TRHDE: variants seen among roughly 807,000 people sequenced by gnomAD.
TRHDE encodes thyrotropin releasing hormone degrading enzyme, also known as thyrotropin-releasing hormone-degrading ectoenzyme.
Under a neutral mutation model 125.7 loss-of-function variants are expected in TRHDE, and 72 were observed. The observed-to-expected ratio is 0.57, with a 90% confidence interval of 0.47 to 0.70. TRHDE has a LOEUF of 0.70. Among genes scored for constraint, TRHDE ranks in the 30% least tolerant of loss-of-function variants. The pLI, the probability that TRHDE is intolerant of heterozygous loss-of-function variation, is 0.00. For synonymous variants in TRHDE, 509 were observed against 509.1 expected, an observed-to-expected ratio of 1.00 and a Z score of 0.00; for missense variants, 1,110 against 1,327.1, an observed-to-expected ratio of 0.84 and a Z score of 2.54.
At chr12:72,630,453 T>C (rs458004) in intron 15 of TRHDE, among the ~76,000 whole-genome samples, 1 of 151,684 alleles carries the variant, frequency 6.6e-6, no homozygotes, top group Admixed American at 6.6e-5. Flanking sequence ...CCCACCATGG[T>C]TTTGAACTTC....
At chr12:72,307,168 G>C (rs566740108) in intron 2 of TRHDE, among the ~76,000 whole-genome samples, 26 of 151,940 alleles carry the variant, frequency 1.7e-4, no homozygotes, top group African/African-American at 5.8e-4. Context: ...TTTTTTTTTA[G>C]ATGAGTTTTC....
chr12:72,552,596 G>A (rs906741308), intron 7 of TRHDE, among the ~76,000 whole-genome samples: 2 of 152,070 alleles, frequency 1.3e-5, no homozygotes, highest in African/African-American at 4.8e-5. Context: ...CTTGTTTCAA[G>A]AACAAGAAAG....
chr12:72,139,912 A>G (rs1340390637), intron 2 of TRHDE, among the ~76,000 whole-genome samples: 2 of 152,238 alleles, frequency 1.3e-5, no homozygotes, highest in Non-Finnish European at 2.9e-5. Flanking sequence ...ACAGCTGACC[A>G]GCGTTAACAT....
chr12:72,475,406 T>C (rs574191710), intron 5 of TRHDE, among the ~76,000 whole-genome samples: 4 of 152,314 alleles, frequency 2.6e-5, no homozygotes, highest in South Asian at 4.1e-4. Context: ...TAAAATTCTT[T>C]CTATTCACCA....
chr12:72,644,311 G>C (rs940888367), intron 15 of TRHDE, among the ~76,000 whole-genome samples: 2 of 152,074 alleles, frequency 1.3e-5, no homozygotes, highest in African/African-American at 2.4e-5. Context: ...TTCATGCATC[G>C]AGTATCTTAC....
intron 2 of TRHDE, among the ~76,000 whole-genome samples, chr12:72,247,185 A>C (rs1878590670): frequency 6.6e-6 from 1 of 152,190 alleles, no homozygotes; most frequent in Non-Finnish European, 1.5e-5. Flanking sequence ...TACAATACCT[A>C]ATACAATGTA....
chr12:72,142,149 A>G (rs1876125801), intron 2 of TRHDE, among the ~76,000 whole-genome samples: 1 of 152,132 alleles, frequency 6.6e-6, no homozygotes, highest in South Asian at 2.1e-4. Context: ...TCAATTCTGA[A>G]GGGTAAAAAG....
At chr12:72,387,350 T>C (rs1050223714) in intron 3 of TRHDE, among the ~76,000 whole-genome samples, 1 of 152,192 alleles carries the variant, frequency 6.6e-6, no homozygotes, top group Non-Finnish European at 1.5e-5. Context: ...CCATTGCTAG[T>C]ACTCTCATTC....
chr12:72,212,075 T>C (rs1057287404), intron 2 of TRHDE, among the ~76,000 whole-genome samples: 1 of 152,142 alleles, frequency 6.6e-6, no homozygotes, highest in African/African-American at 2.4e-5. Flanking sequence ...TTTGGAAGCA[T>C]AAACCAGCAG....
intron 15 of TRHDE, among the ~76,000 whole-genome samples, chr12:72,649,175 A>G (rs1269171665): frequency 6.6e-6 from 1 of 152,098 alleles, no homozygotes; most frequent in Non-Finnish European, 1.5e-5. Context: ...ATAATATGGT[A>G]CTATAATAAA....
chr12:72,523,883 A>G (rs1366768585), intron 6 of TRHDE, among the ~76,000 whole-genome samples: 2 of 152,202 alleles, frequency 1.3e-5, no homozygotes, highest in South Asian at 2.1e-4. Flanking sequence ...GAAATTCTCC[A>G]GGGACAGAAT....
rs141779882 is a variant in TRHDE, at chr12:72,632,099, C to T, written c.2675+10348C>T. Among the ~76,000 whole-genome samples, 222 of 151,972 alleles carry T rather than the reference C, an allele frequency of 1.5e-3. 1 individual carries two copies. The highest frequency in any genetic ancestry group is 5.1e-3 in the African/African-American group (211 of 41,486). On this transcript the variant is annotated intron_variant, in intron 15 of 18. Transcript: ENST00000261180. ...TGTCGAGATGTAGCCTAATATAATC[C>T]AGTGGGGCTTTCATAGACACTCAGA... is the stretch of plus-strand genomic sequence containing the variant.
At chr12:72,615,721 A>C (rs549830651) in intron 12 of TRHDE, among the ~76,000 whole-genome samples, 1 of 152,250 alleles carries the variant, frequency 6.6e-6, no homozygotes, top group Admixed American at 6.6e-5. Context: ...GCATTAAAGA[A>C]GCTTAACTGC....
intron 3 of TRHDE, among the ~76,000 whole-genome samples, chr12:72,466,785 C>T (rs1258480705): frequency 6.6e-6 from 1 of 152,122 alleles, no homozygotes; most frequent in African/African-American, 2.4e-5. Flanking sequence ...AATGTGACTA[C>T]CTTAGAGAGG....
chr12:72,650,532 A>AC (rs1565823628), intron 15 of TRHDE, among the ~76,000 whole-genome samples: 1 of 152,026 alleles, frequency 6.6e-6, no homozygotes, highest in African/African-American at 2.4e-5. Flanking sequence ...TATAGGTGAT[A>AC]CAAAAAACCT....
At chr12:72,501,711 CTA>C (rs955411198) in intron 6 of TRHDE, among the ~76,000 whole-genome samples, 1 of 151,836 alleles carries the variant, frequency 6.6e-6, no homozygotes, top group Non-Finnish European at 1.5e-5. Flanking sequence ...GCAATGGAAA[CTA>C]TTATCTTTTT....
In TRHDE at chr12:72,351,015, T is replaced by C. The variant is rs1045243962; in HGVS notation, c.1189-26980T>C. Among the ~76,000 whole-genome samples, 3 of 151,996 alleles carry C rather than the reference T, an allele frequency of 2.0e-5. No individual in the cohort carries two copies. The East Asian group carries it at 5.8e-4, about 29-fold the overall frequency. ...AAGGAAAAATTGTAGCAAAAATCTT[T>C]AAATGTGTTTGAGTTTCTGTCATAC... On this transcript the variant is annotated intron_variant, in intron 2 of 18. Coordinates refer to ENST00000261180, the MANE Select transcript of TRHDE (RefSeq NM_013381.3).
intron 6 of TRHDE, among the ~76,000 whole-genome samples, chr12:72,523,425 A>G (rs1423497096): frequency 6.6e-6 from 1 of 152,154 alleles, no homozygotes; most frequent in African/African-American, 2.4e-5. Flanking sequence ...TGGAGAGGCC[A>G]TAACTGGACC....
chr12:72,487,767 A>G (rs1877480841), intron 5 of TRHDE, among the ~76,000 whole-genome samples: 1 of 152,146 alleles, frequency 6.6e-6, no homozygotes, highest in Non-Finnish European at 1.5e-5. Flanking sequence ...GGTGATATAT[A>G]AATCCAGTAT....
Sources: gnomAD v4.1 joint callset for allele counts (sites outside exome capture counted in the v4.1 genomes callset) on GRCh38, gnomAD v4.1.1 for gene constraint, MANE v1.5 for transcripts, NCBI Gene and HGNC (gene_info 2026-07-23, HGNC 2026-07-21) for gene names.